The following ARID4A variants were observed in gnomAD, a reference collection of about 807,000 sequenced individuals.
ARID4A encodes the protein AT-rich interactive domain-containing protein 4A.
Under a neutral mutation model 148.6 loss-of-function variants are expected in ARID4A, and 39 were observed. That is an observed-to-expected ratio of 0.26 (90% CI 0.20 to 0.34). The LOEUF (loss-of-function observed/expected upper bound fraction) is 0.34, where lower values mean the gene tolerates loss of function less well. Ranked by LOEUF, ARID4A falls within the 10% of genes least tolerant of loss-of-function variation. The probability of loss-of-function intolerance (pLI) is 1.00; values close to 1 mark genes in which losing one functional copy is unlikely to be tolerated. For synonymous variants in ARID4A, 475 were observed against 481.2 expected, an observed-to-expected ratio of 0.99 and a Z score of 0.17; for missense variants, 1,265 against 1,449.1, an observed-to-expected ratio of 0.87 and a Z score of 2.06.
intron 5 of ARID4A, among the ~76,000 whole-genome samples, chr14:58,309,177 A>G (rs2031830704): frequency 6.6e-6 from 1 of 152,072 alleles, no homozygotes. Context: ...GTTCAGTAGC[A>G]CTATTGTAGC....
chr14:58,305,135 G>C, intron 4 of ARID4A, 126 bp downstream of exon 4: 2 of 713,248 alleles, frequency 2.8e-6, no homozygotes, highest in Non-Finnish European at 4.5e-6. Context: ...ACATATGAAG[G>C]GTTTAAATAT....
chr14:58,338,308 A>G (rs1249231951), intron 11 of ARID4A, among the ~76,000 whole-genome samples: 2 of 152,164 alleles, frequency 1.3e-5, no homozygotes, highest in Non-Finnish European at 2.9e-5. Context: ...AAATCACACT[A>G]TTTAATATAT....
At chr14:58,319,521 CTTTTTTTTTTTTTTTTTTTTTTTTTTTT>C (rs71107934) in intron 7 of ARID4A, among the ~76,000 whole-genome samples, 1 of 62,096 alleles carries the variant, frequency 1.6e-5, no homozygotes, top group African/African-American at 6.6e-5. Flanking sequence ...TCTATATACT[CTTTTTTTTTTTTTTTTTTTTTTTTTTTT>C]TTTTTTTTTT....
chr14:58,339,908 T>G (rs1247823220), intron 11 of ARID4A, among the ~76,000 whole-genome samples: 1 of 150,244 alleles, frequency 6.7e-6, no homozygotes, highest in African/African-American at 2.5e-5. Flanking sequence ...GCTATACACT[T>G]TCAAGCAACC....
chr14:58,331,058 C>A (rs2033488610), intron 11 of ARID4A, among the ~76,000 whole-genome samples: 1 of 152,182 alleles, frequency 6.6e-6, no homozygotes. Context: ...TTTAAATACA[C>A]AAATATGAAT....
chr14:58,307,019 T>C (rs1259354076), intron 5 of ARID4A, among the ~76,000 whole-genome samples: 1 of 152,260 alleles, frequency 6.6e-6, no homozygotes, highest in Non-Finnish European at 1.5e-5. Flanking sequence ...AGTGTCATAA[T>C]ACTTGTAAGT....
intron 11 of ARID4A, among the ~76,000 whole-genome samples, chr14:58,335,302 G>A (rs1384499715): frequency 6.7e-6 from 1 of 150,148 alleles, no homozygotes; most frequent in Non-Finnish European, 1.5e-5. Flanking sequence ...AAACCAATGA[G>A]GATTTTATCT....
intron 2 of ARID4A, among the ~76,000 whole-genome samples, chr14:58,300,278 T>C (rs1205142024): frequency 1.3e-5 from 2 of 152,222 alleles, no homozygotes; most frequent in African/African-American, 2.4e-5. Flanking sequence ...ATTTCTTCTG[T>C]GTGTAAAATG....
intron 5 of ARID4A, among the ~76,000 whole-genome samples, chr14:58,313,304 G>A (rs983972774): frequency 6.6e-6 from 1 of 152,116 alleles, no homozygotes; most frequent in African/African-American, 2.4e-5. Flanking sequence ...GAAGTGCTGG[G>A]GGATGGTTTC....
Position 58,365,249 on chromosome 14 carries a change from G to T in ARID4A, c.3160G>T (p.Ala1054Ser), listed in dbSNP as rs2035304062. Residue 1054 changes from alanine (A) to serine (S), a missense_variant, in exon 20 of 24, where the codon GCC (alanine) becomes TCC (serine). Ala to Ser is a moderately conservative substitution (Grantham distance 99). Coordinates refer to ENST00000355431, the MANE Select transcript of ARID4A (RefSeq NM_002892.4). The part of the protein sequence containing the change: ...ESANGFETNV[A>S]SGTCSIIVQE... ...GGCAAATGGATTTGAAACTAATGTT[G>T]CCTCTGGTACCTGTAGTATAATTGT... The T allele has an allele frequency of 1.2e-6, 2 of 1,613,890 alleles. No individual in the cohort carries two copies. Among genetic ancestry groups the T allele is most frequent in the Admixed American group, 1.7e-5 (1 of 59,998 alleles).
intron 7 of ARID4A, among the ~76,000 whole-genome samples, chr14:58,320,899 G>A (rs1029784321): frequency 7.2e-5 from 11 of 152,104 alleles, no homozygotes; most frequent in Non-Finnish European, 1.2e-4. Flanking sequence ...GAGCCACCAC[G>A]CCCAGCCGAT....
Position 58,364,630 on chromosome 14 carries a change from C to T in ARID4A, c.2541C>T (p.Asp847=), listed in dbSNP as rs747957099. Residue 847 remains aspartate (D), a synonymous_variant, in exon 20 of 24, where the codon GAC becomes GAT. Coordinates refer to ENST00000355431, the MANE Select transcript of ARID4A (RefSeq NM_002892.4). ...CTTCTGCTACAGAAGATGAAATTGA[C>T]CAATGTGTGAAAGAAAAGAAGTTGA... The part of the protein sequence containing the change: ...NFSSATEDEI[D]QCVKEKKLKR... 1.2e-6 allele frequency: 2 copies of T among 1,613,452 alleles called. No individual in the cohort carries two copies. Among genetic ancestry groups the T allele is most frequent in the Non-Finnish European group, 1.7e-6 (2 of 1,179,902 alleles).
chr14:58,301,557 CAGTTTT>C lies in ARID4A; in HGVS notation c.7-21_7-16del. 8 of 1,565,842 alleles carry C rather than the reference CAGTTTT, an allele frequency of 5.1e-6. No individual in the cohort carries two copies. Among genetic ancestry groups the C allele is most frequent in the Non-Finnish European group, 7.0e-6 (8 of 1,137,594 alleles). Reference sequence around the variant, plus strand: ...TAGGGAGGCATAGTAATGACATTCACAGTTTTATGTTCCTTTCACCAGGCGGCAGAT... The same window carrying C: ...TAGGGAGGCATAGTAATGACATTCACATGTTCCTTTCACCAGGCGGCAGAT... On this transcript the variant is annotated splice_polypyrimidine_tract_variant and intron_variant, in intron 2 of 23. Transcript: ENST00000355431.
chr14:58,366,935 A>AG lies in ARID4A; in HGVS notation c.3576_3577insG (p.Leu1193AlafsTer14). ...AGAGAATCTCATTTCTCCAAGAAAA[A>AG]CTACAGGAAATCAGAAAATATTATA... On this transcript the variant is annotated frameshift_variant, in exon 23 of 24. Coordinates refer to ENST00000355431, the MANE Select transcript of ARID4A (RefSeq NM_002892.4). LOFTEE classifies it high-confidence loss of function. 1 of 1,522,828 alleles carries AG rather than the reference A, an allele frequency of 6.6e-7. No homozygotes were observed. Among genetic ancestry groups the AG allele is most frequent in the Non-Finnish European group, 8.7e-7 (1 of 1,145,154 alleles). The allele number at this position is 1,522,828 out of a possible 1,614,324, so 94.3% of individuals were successfully genotyped here.
At chr14:58,337,470 T>G (rs2033891274) in intron 11 of ARID4A, among the ~76,000 whole-genome samples, 1 of 151,766 alleles carries the variant, frequency 6.6e-6, no homozygotes, top group Non-Finnish European at 1.5e-5. Context: ...AATGAATGAA[T>G]GTGGATTATG....
chr14:58,330,226 A>G, intron 11 of ARID4A, 57 bp downstream of exon 11: 1 of 1,553,668 alleles, frequency 6.4e-7, no homozygotes, highest in Non-Finnish European at 8.7e-7. Flanking sequence ...AGTGAAAATA[A>G]TACCTTCATA....
chr14:58,366,089 C>T lies in ARID4A; in HGVS notation c.3382C>T (p.His1128Tyr). 1.9e-6 allele frequency: 3 copies of T among 1,613,762 alleles called. No individual in the cohort carries two copies. The highest frequency in any genetic ancestry group is 2.5e-6 in the Non-Finnish European group (3 of 1,179,744). ...TTCAAGTAAATGTACCCCAGTAAAGCATCTTAATGTATCTAAGCCACAGAA... is the reference window on the plus strand; with the variant it reads ...TTCAAGTAAATGTACCCCAGTAAAGTATCTTAATGTATCTAAGCCACAGAA... ...DNSSKCTPVK[H>Y]LNVSKPQKLA... The change falls in exon 22 of 24, where the codon CAT becomes TAT. Residue 1128 changes from histidine to tyrosine, a missense_variant. Physicochemically the swap from His to Tyr is moderately conservative, Grantham distance 83. Coordinates refer to ENST00000355431, the MANE Select transcript of ARID4A (RefSeq NM_002892.4).
intron 17 of ARID4A, among the ~76,000 whole-genome samples, chr14:58,357,490 T>G (rs1187758089): frequency 6.6e-6 from 1 of 152,160 alleles, no homozygotes; most frequent in African/African-American, 2.4e-5. Flanking sequence ...TACGCTACAG[T>G]CTAAAACAAG....
intron 11 of ARID4A, among the ~76,000 whole-genome samples, chr14:58,340,824 C>T (rs1344700235): frequency 6.6e-6 from 1 of 152,220 alleles, no homozygotes; most frequent in Admixed American, 6.5e-5. Flanking sequence ...ATTCTTATTT[C>T]CTCTCTTTCT....
Sources: allele counts gnomAD v4.1 joint callset (sites outside exome capture counted in the v4.1 genomes callset), GRCh38; gene constraint gnomAD v4.1.1; transcripts MANE v1.5; gene names NCBI Gene and HGNC (gene_info 2026-07-23, HGNC 2026-07-21).